The following PRMT8 variants were observed in gnomAD, a reference collection of about 807,000 sequenced individuals.
The protein encoded by PRMT8 is protein arginine methyltransferase 8.
In PRMT8, 7 loss-of-function variants were observed where a neutral mutation model predicts 47.1. The observed-to-expected ratio is 0.15, with a 90% CI of 0.08 to 0.28. The LOEUF (loss-of-function observed/expected upper bound fraction) is 0.28. PRMT8 is among the 10% of genes least tolerant of loss of function. The pLI, the probability that PRMT8 is intolerant of heterozygous loss-of-function variation, is 1.00. For missense variants in PRMT8, 237 were observed against 505.4 expected (o/e 0.47, Z 5.09); for synonymous variants, 188 against 186.5 (o/e 1.01, Z -0.07).
intron 1 of PRMT8, among the ~76,000 whole-genome samples, chr12:3,539,864 A>C (rs1281125472): frequency 2.0e-5 from 3 of 152,218 alleles, no homozygotes; most frequent in Non-Finnish European, 2.9e-5. Flanking sequence ...ACTGTGAATC[A>C]GAAACTAGGG....
At chr12:3,383,043 C>G (rs1864107739) in intron 1 of PRMT8, among the ~76,000 whole-genome samples, 1 of 152,166 alleles carries the variant, frequency 6.6e-6, no homozygotes, top group Non-Finnish European at 1.5e-5. Flanking sequence ...TTTCTGGGCT[C>G]TCTATTCTGT....
intron 1 of PRMT8, among the ~76,000 whole-genome samples, chr12:3,443,629 C>T (rs1048587666): frequency 2.0e-5 from 3 of 152,206 alleles, no homozygotes; most frequent in Non-Finnish European, 4.4e-5. Context: ...GCTCTCTCCC[C>T]CTTCAGATGT....
intron 1 of PRMT8, among the ~76,000 whole-genome samples, chr12:3,531,256 C>A (rs889827246): frequency 6.6e-6 from 1 of 152,142 alleles, no homozygotes; most frequent in Non-Finnish European, 1.5e-5. Context: ...TCCGTAACCC[C>A]CTTCAAGTCA....
chr12:3,428,761 CCTCTCTCTTT>C (rs1565405227), intron 1 of PRMT8, among the ~76,000 whole-genome samples: 1 of 150,034 alleles, frequency 6.7e-6, no homozygotes, highest in African/African-American at 2.5e-5. Flanking sequence ...TCTCTCTCTG[CCTCTCTCTTT>C]CTCTCTCTCT....
intron 1 of PRMT8, among the ~76,000 whole-genome samples, chr12:3,419,623 A>C (rs1565402857): frequency 6.6e-6 from 1 of 151,694 alleles, no homozygotes; most frequent in Non-Finnish European, 1.5e-5. Flanking sequence ...ACTATTCTCC[A>C]TCCCCGCTAC....
intron 1 of PRMT8, among the ~76,000 whole-genome samples, chr12:3,399,185 A>G (rs1470462685): frequency 6.6e-6 from 1 of 152,196 alleles, no homozygotes; most frequent in Non-Finnish European, 1.5e-5. Context: ...TGTGTCTTCA[A>G]CCTAGGGTTA....
At chr12:3,415,983 G>A (rs537601920) in intron 1 of PRMT8, among the ~76,000 whole-genome samples, 3 of 152,334 alleles carry the variant, frequency 2.0e-5, no homozygotes, top group East Asian at 1.9e-4. Context: ...TGATCTAGCC[G>A]GACCTTCTCA....
At chr12:3,534,709 C>T (rs1277086010) in intron 1 of PRMT8, among the ~76,000 whole-genome samples, 1 of 152,258 alleles carries the variant, frequency 6.6e-6, no homozygotes, top group African/African-American at 2.4e-5. Context: ...CTGCCCTCAA[C>T]ACTGGGCTTC....
intron 1 of PRMT8, among the ~76,000 whole-genome samples, chr12:3,392,853 C>T (rs375690834): frequency 1.3e-5 from 2 of 152,142 alleles, no homozygotes; most frequent in South Asian, 2.1e-4. Flanking sequence ...TCCTATTTCT[C>T]CACATCCTCT....
chr12:3,429,797 C>T (rs1018598472), intron 1 of PRMT8, among the ~76,000 whole-genome samples: 1 of 152,024 alleles, frequency 6.6e-6, no homozygotes, highest in Non-Finnish European at 1.5e-5. Flanking sequence ...CCATGTGCTG[C>T]TCTGGTAAGG....
At chr12:3,563,735 C>T (rs1362493887) in intron 4 of PRMT8, among the ~76,000 whole-genome samples, 4 of 152,002 alleles carry the variant, frequency 2.6e-5, no homozygotes, top group Admixed American at 2.6e-4. Context: ...GGTTCAGCCC[C>T]CACAACTTGA....
intron 1 of PRMT8, among the ~76,000 whole-genome samples, chr12:3,481,721 G>T (rs1434068684): frequency 6.6e-6 from 1 of 152,180 alleles, no homozygotes; most frequent in African/African-American, 2.4e-5. Flanking sequence ...GGAAGTCCTT[G>T]GTGGCGGGGA....
intron 1 of PRMT8, among the ~76,000 whole-genome samples, chr12:3,397,115 T>C (rs1201449351): frequency 6.6e-6 from 1 of 151,794 alleles, no homozygotes; most frequent in Non-Finnish European, 1.5e-5. Context: ...TACATTCTTC[T>C]AAATTTTTTT....
chr12:3,413,747 T>G (rs1864455664), intron 1 of PRMT8, among the ~76,000 whole-genome samples: 1 of 152,024 alleles, frequency 6.6e-6, no homozygotes, highest in Admixed American at 6.6e-5. Flanking sequence ...ATGTGGTACA[T>G]GACTGTATTC....
intron 7 of PRMT8, among the ~76,000 whole-genome samples, chr12:3,577,189 G>T (rs1460488132): frequency 6.6e-6 from 1 of 152,242 alleles, no homozygotes; most frequent in African/African-American, 2.4e-5. Flanking sequence ...CTCCATGGTG[G>T]CACGGATGTG....
intron 2 of PRMT8, among the ~76,000 whole-genome samples, chr12:3,543,850 A>C (rs935553796): frequency 6.6e-6 from 1 of 152,148 alleles, no homozygotes; most frequent in Admixed American, 6.5e-5. Context: ...TGAGGCCGCC[A>C]CCTAGAGAGG....
At chr12:3,419,851 C>A (rs1864521009) in intron 1 of PRMT8, among the ~76,000 whole-genome samples, 1 of 151,662 alleles carries the variant, frequency 6.6e-6, no homozygotes, top group South Asian at 2.1e-4. Flanking sequence ...TCACACAGCA[C>A]CCCAGCCAGA....
chr12:3,508,778 G>C lies in PRMT8; in HGVS notation c.75+17078G>C, dbSNP rs2137127028. Among the ~76,000 whole-genome samples, 1 of 152,274 alleles carries C rather than the reference G, an allele frequency of 6.6e-6. No individual in the cohort carries two copies. The highest frequency in any genetic ancestry group is 3.4e-3 in the Middle Eastern group (1 of 294). On this transcript the variant is annotated intron_variant, in intron 1 of 9. Coordinates refer to ENST00000382622, the MANE Select transcript of PRMT8 (RefSeq NM_019854.5). This position sits in a 1 kb window ranked among gnomAD's most constrained non-coding sequence, Gnocchi z 4.9. ...GCGAGGCATAGCTGCCTGCCTGCGG[G>C]ACATCTTCACTGAGATGTCTCATAG...
At position 3,476,015 on chromosome 12, in the gene PRMT8, G is replaced by T. The variant is rs374859658; in HGVS notation, c.49-64591G>T. On this transcript the variant is annotated intron_variant, in intron 1 of 9. Transcript: ENST00000452611. ...AGCATTGGGCTGGAAACTCAGCAGA[G>T]CCTTTAGGATCTGGACACCTTTATA... Among the ~76,000 whole-genome samples the T allele has an allele frequency of 9.8e-5, 15 of 152,316 alleles. 1 individual carries two copies. Among genetic ancestry groups the T allele is most frequent in the African/African-American group, 2.4e-4 (10 of 41,564 alleles).
Sources: gnomAD v4.1 joint callset for allele counts (sites outside exome capture counted in the v4.1 genomes callset) on GRCh38, gnomAD v4.1.1 for gene constraint, Gnocchi (gnomAD v3.1) non-coding constraint, MANE v1.5 for transcripts, NCBI Gene and HGNC (gene_info 2026-07-23, HGNC 2026-07-21) for gene names.